LRRC4C: variants seen among roughly 807,000 people sequenced by gnomAD.
LRRC4C encodes leucine rich repeat containing 4C, also known as leucine-rich repeat-containing protein 4C.
In LRRC4C, 5 loss-of-function variants were observed where a neutral mutation model predicts 33.6. The ratio of observed to expected loss-of-function variants is 0.15; its 90% CI spans 0.08 to 0.31. The LOEUF (loss-of-function observed/expected upper bound fraction) is 0.31. LRRC4C is among the 10% of genes least tolerant of loss of function. LRRC4C has a pLI of 1.00. For synonymous variants in LRRC4C, 329 were observed against 302.0 expected (o/e 1.09, Z -0.93); for missense variants, 560 against 796.7 (o/e 0.70, Z 3.58).
intron 3 of LRRC4C, among the ~76,000 whole-genome samples, chr11:40,392,520 A>C (rs929499072): frequency 6.6e-6 from 1 of 152,092 alleles, no homozygotes; most frequent in African/African-American, 2.4e-5. Flanking sequence ...AAAATAAATA[A>C]GTTATTTAAT....
intron 3 of LRRC4C, among the ~76,000 whole-genome samples, chr11:40,386,577 T>C (rs1949120279): frequency 6.6e-6 from 1 of 152,208 alleles, no homozygotes; most frequent in African/African-American, 2.4e-5. Context: ...ACTTTACGCA[T>C]TGAAGAGGAT....
intron 1 of LRRC4C, among the ~76,000 whole-genome samples, chr11:41,409,510 A>G (rs117435591): frequency 0.051 from 7,756 of 152,280 alleles, 259 homozygotes; most frequent in Middle Eastern, 0.095. Flanking sequence ...CAACATTATG[A>G]GAATTTACTA....
intron 1 of LRRC4C, among the ~76,000 whole-genome samples, chr11:41,362,307 C>T (rs1952383349): frequency 6.6e-6 from 1 of 151,888 alleles, no homozygotes; most frequent in Non-Finnish European, 1.5e-5. Context: ...AACATTTTTT[C>T]AGTGGGGGAT....
At chr11:41,145,806 T>A (rs1030718947) in intron 1 of LRRC4C, among the ~76,000 whole-genome samples, 48 of 152,138 alleles carry the variant, frequency 3.2e-4, no homozygotes, top group Admixed American at 9.8e-4. Flanking sequence ...GACCATAACA[T>A]TCAGAAAATT....
chr11:40,461,911 G>C (rs545907488), intron 3 of LRRC4C, among the ~76,000 whole-genome samples: 1 of 151,726 alleles, frequency 6.6e-6, no homozygotes, highest in Non-Finnish European at 1.5e-5. Flanking sequence ...ATTATAAAAA[G>C]TAAAGGAAGG....
chr11:40,147,176 C>T (rs1857809520), intron 5 of LRRC4C, among the ~76,000 whole-genome samples: 1 of 152,102 alleles, frequency 6.6e-6, no homozygotes, highest in Non-Finnish European at 1.5e-5. Context: ...GCACTGACCG[C>T]CACTTGCAGG....
chr11:40,416,215 C>A (rs1244730729), intron 3 of LRRC4C, among the ~76,000 whole-genome samples: 1 of 152,114 alleles, frequency 6.6e-6, no homozygotes, highest in Non-Finnish European at 1.5e-5. Context: ...TTGCACTGGG[C>A]TCTACAAATT....
At chr11:40,568,014 T>G (rs1392057257) in intron 3 of LRRC4C, among the ~76,000 whole-genome samples, 1 of 152,332 alleles carries the variant, frequency 6.6e-6, no homozygotes, top group African/African-American at 2.4e-5. Context: ...TTCCAGTGAT[T>G]ACCACTTCCT....
chr11:41,100,562 C>A (rs1941109585), intron 1 of LRRC4C, among the ~76,000 whole-genome samples: 1 of 151,774 alleles, frequency 6.6e-6, no homozygotes, highest in South Asian at 2.1e-4. Flanking sequence ...GAAAGAAAGT[C>A]CATCTCAAAA....
intron 4 of LRRC4C, among the ~76,000 whole-genome samples, chr11:40,313,899 C>T (rs1345280061): frequency 6.6e-6 from 1 of 151,930 alleles, no homozygotes; most frequent in African/African-American, 2.4e-5. Flanking sequence ...AGGCGTGAGC[C>T]GCCGCGCCCG....
At chr11:40,977,485 A>C (rs1178573258) in intron 1 of LRRC4C, among the ~76,000 whole-genome samples, 1 of 152,152 alleles carries the variant, frequency 6.6e-6, no homozygotes, top group Non-Finnish European at 1.5e-5. Context: ...TTTTCCAAGA[A>C]GACACAGTGA....
intron 1 of LRRC4C, among the ~76,000 whole-genome samples, chr11:41,137,269 C>T (rs907061355): frequency 1.3e-5 from 2 of 151,884 alleles, no homozygotes; most frequent in Non-Finnish European, 2.9e-5. Context: ...AAAAAAAGTG[C>T]CCTTTAGAGG....
Position 40,115,489 on chromosome 11 carries a change from T to C in LRRC4C, c.804A>G (p.Ser268=), listed in dbSNP as rs1284466056. Reference sequence around the variant, plus strand: ...TGTGTGCCAGGTTGATCTCCACTAGTGACTGAAGGTTGTCAAAGGCATTCC... The same window carrying C: ...TGTGTGCCAGGTTGATCTCCACTAGCGACTGAAGGTTGTCAAAGGCATTCC... ...IERNAFDNLQ[S]LVEINLAHNN... is the part of the protein sequence containing the mutation. The change falls in exon 7 of 7, where the codon TCA becomes TCG. Residue 268 remains serine, a synonymous_variant. Transcript: ENST00000528697. The surrounding 1 kb of genome is among the most constrained non-coding windows in gnomAD (Gnocchi z 6.7). 6.2e-7 allele frequency: 1 copy of C among 1,614,068 alleles called. No homozygotes were observed. Among genetic ancestry groups the C allele is most frequent in the African/African-American group, 1.3e-5 (1 of 74,932 alleles).
chr11:40,763,471 T>TA (rs950762014), intron 2 of LRRC4C, among the ~76,000 whole-genome samples: 8 of 152,078 alleles, frequency 5.3e-5, no homozygotes, highest in African/African-American at 1.9e-4. Flanking sequence ...AATATCCACA[T>TA]AAAAAAGCAC....
At chr11:40,134,983 G>A (rs1462462732) in intron 6 of LRRC4C, among the ~76,000 whole-genome samples, 1 of 152,180 alleles carries the variant, frequency 6.6e-6, no homozygotes, top group Non-Finnish European at 1.5e-5. Context: ...TGAGATCTGA[G>A]CAAGGGGAGG....
intron 1 of LRRC4C, among the ~76,000 whole-genome samples, chr11:41,418,992 A>G (rs924904758): frequency 1.3e-5 from 2 of 151,952 alleles, no homozygotes; most frequent in Admixed American, 1.3e-4. Context: ...GATATCTAAT[A>G]TGCCCAGTGT....
At chr11:40,674,715 T>C (rs561297992) in intron 2 of LRRC4C, among the ~76,000 whole-genome samples, 1 of 152,174 alleles carries the variant, frequency 6.6e-6, no homozygotes, top group Non-Finnish European at 1.5e-5. Flanking sequence ...TGTTTAAAAA[T>C]ATAATAATAA....
At chr11:40,581,697 T>A (rs1222302081) in intron 3 of LRRC4C, among the ~76,000 whole-genome samples, 1 of 151,698 alleles carries the variant, frequency 6.6e-6, no homozygotes, top group Non-Finnish European at 1.5e-5. Context: ...AGGTCGGGAG[T>A]TCGAGACCAG....
chr11:41,277,932 G>A (rs1022405673), intron 1 of LRRC4C, among the ~76,000 whole-genome samples: 5 of 151,768 alleles, frequency 3.3e-5, no homozygotes, highest in Non-Finnish European at 4.4e-5. Flanking sequence ...TAAGTCAGGC[G>A]CAGAAAGACA....
Sources: allele counts gnomAD v4.1 joint callset (sites outside exome capture counted in the v4.1 genomes callset), GRCh38; gene constraint gnomAD v4.1.1; non-coding constraint Gnocchi (gnomAD v3.1); transcripts MANE v1.5; gene names NCBI Gene and HGNC (gene_info 2026-07-23, HGNC 2026-07-21).